The following LRMDA variants were observed in gnomAD, a reference collection of about 807,000 sequenced individuals.
LRMDA encodes the protein leucine rich melanocyte differentiation associated, also known as leucine-rich melanocyte differentiation-associated protein.
In LRMDA, 18 loss-of-function variants were observed where a neutral mutation model predicts 29.8. That is an observed-to-expected ratio of 0.60 (90% CI 0.42 to 0.90). The LOEUF is 0.90. Ranked by LOEUF, LRMDA falls within the 40% of genes least tolerant of loss-of-function variation. LRMDA has a pLI of 0.00. For missense variants in LRMDA, 273 were observed against 273.9 expected, an observed-to-expected ratio of 1.00 and a Z score of 0.02; for synonymous variants, 125 against 109.4, an observed-to-expected ratio of 1.14 and a Z score of -0.89.
At chr10:75,501,904 C>T (rs1400677759) in intron 2 of LRMDA, among the ~76,000 whole-genome samples, 1 of 152,138 alleles carries the variant, frequency 6.6e-6, no homozygotes, top group Non-Finnish European at 1.5e-5. Flanking sequence ...AGTGATCCTC[C>T]CACCTCAGTC....
At chr10:75,838,828 A>T (rs1458650084) in intron 2 of LRMDA, among the ~76,000 whole-genome samples, 1 of 152,224 alleles carries the variant, frequency 6.6e-6, no homozygotes, top group South Asian at 2.1e-4. Context: ...AAGAGTGAAG[A>T]TGTGTATTTA....
intron 2 of LRMDA, among the ~76,000 whole-genome samples, chr10:75,653,513 G>C (rs1841626228): frequency 6.6e-6 from 1 of 152,156 alleles, no homozygotes; most frequent in Non-Finnish European, 1.5e-5. Context: ...TGGGGAGTGA[G>C]AGAGAGTTGC....
intron 6 of LRMDA, among the ~76,000 whole-genome samples, chr10:76,503,859 C>T: frequency 6.8e-6 from 1 of 146,996 alleles, no homozygotes; most frequent in Admixed American, 6.8e-5. Context: ...TTATTTATTT[C>T]TCTGTTATCT....
At chr10:76,346,194 G>T (rs1406222311) in intron 6 of LRMDA, among the ~76,000 whole-genome samples, 3 of 152,130 alleles carry the variant, frequency 2.0e-5, no homozygotes, top group Non-Finnish European at 2.9e-5. Flanking sequence ...TCTACGAGAG[G>T]ACTTTGTTTG....
intron 6 of LRMDA, among the ~76,000 whole-genome samples, chr10:76,363,276 A>AAGGAAGGAAGGAAGGAAGGAAAGG (rs1218743181): frequency 5.1e-5 from 3 of 58,802 alleles, no homozygotes; most frequent in African/African-American, 2.6e-4. Context: ...GGAAGGAAGG[A>AAGGAAGGAAGGAAGGAAGGAAAGG]AAGGAAGGAA....
chr10:75,687,800 G>A (rs999827502), intron 2 of LRMDA, among the ~76,000 whole-genome samples: 49 of 152,166 alleles, frequency 3.2e-4, no homozygotes, highest in African/African-American at 1.2e-3. Context: ...TTTTTAGGGG[G>A]TACTGCAGCT....
intron 2 of LRMDA, among the ~76,000 whole-genome samples, chr10:75,697,848 T>TGCGC (rs1842255642): frequency 7.1e-6 from 1 of 141,390 alleles, no homozygotes. Context: ...TGTGTGTGTG[T>TGCGC]GTGCGTGTGT....
At chr10:75,750,156 C>A (rs548341568) in intron 2 of LRMDA, among the ~76,000 whole-genome samples, 1 of 152,322 alleles carries the variant, frequency 6.6e-6, no homozygotes, top group East Asian at 1.9e-4. Flanking sequence ...ACCTCCCAGA[C>A]GGGGTGGCGG....
chr10:76,533,911 G>A (rs1843263845), intron 6 of LRMDA, among the ~76,000 whole-genome samples: 1 of 152,164 alleles, frequency 6.6e-6, no homozygotes, highest in African/African-American at 2.4e-5. Context: ...GCTGGGCACA[G>A]TGCCAGGCTC....
chr10:75,665,496 GCA>G (rs1841810855), intron 2 of LRMDA, among the ~76,000 whole-genome samples: 1 of 152,166 alleles, frequency 6.6e-6, no homozygotes, highest in Admixed American at 6.5e-5. Context: ...AAGAACATGT[GCA>G]CATGTACCCT....
chr10:76,384,525 G>A (rs1841636722), intron 6 of LRMDA, among the ~76,000 whole-genome samples: 1 of 152,096 alleles, frequency 6.6e-6, no homozygotes, highest in Non-Finnish European at 1.5e-5. Flanking sequence ...TCTCCAGTAA[G>A]GCTCTTTCTT....
intron 2 of LRMDA, among the ~76,000 whole-genome samples, chr10:75,799,356 A>G (rs1277288564): frequency 2.6e-5 from 4 of 152,152 alleles, no homozygotes; most frequent in Non-Finnish European, 5.9e-5. Context: ...GTCCAATATC[A>G]GTGTAGCCAT....
At chr10:76,283,536 C>A (rs1020630222) in intron 5 of LRMDA, among the ~76,000 whole-genome samples, 4 of 152,114 alleles carry the variant, frequency 2.6e-5, no homozygotes, top group African/African-American at 9.7e-5. Flanking sequence ...GAGTTCAAGT[C>A]CAGGCTGGGT....
At chr10:75,717,048 G>A (rs1842509627) in intron 2 of LRMDA, among the ~76,000 whole-genome samples, 1 of 152,052 alleles carries the variant, frequency 6.6e-6, no homozygotes, top group Admixed American at 6.5e-5. Flanking sequence ...CCTCAAATGA[G>A]CTTTCCTGCA....
At chr10:76,555,503 A>G (rs1196682825) in intron 6 of LRMDA, among the ~76,000 whole-genome samples, 1 of 152,174 alleles carries the variant, frequency 6.6e-6, no homozygotes, top group African/African-American at 2.4e-5. Flanking sequence ...GCCGTGGAAC[A>G]ATGTCACCCT....
chr10:75,972,378 A>G (rs1186501085), intron 2 of LRMDA, among the ~76,000 whole-genome samples: 1 of 152,130 alleles, frequency 6.6e-6, no homozygotes, highest in African/African-American at 2.4e-5. Flanking sequence ...TGTCCCAAGG[A>G]AAAAACTTGT....
chr10:76,285,173 G>A (rs566057248), intron 5 of LRMDA, among the ~76,000 whole-genome samples: 1 of 152,258 alleles, frequency 6.6e-6, no homozygotes, highest in South Asian at 2.1e-4. Flanking sequence ...TGTTAAATGA[G>A]TCAAGGAGAT....
intron 2 of LRMDA, among the ~76,000 whole-genome samples, chr10:75,819,653 T>C (rs576186786): frequency 3.3e-5 from 5 of 152,250 alleles, no homozygotes; most frequent in African/African-American, 1.2e-4. Flanking sequence ...GGGTTGGCAG[T>C]TGTGGTTCTG....
At chr10:76,095,972 A>AT (rs1313723328) in intron 5 of LRMDA, among the ~76,000 whole-genome samples, 1 of 150,150 alleles carries the variant, frequency 6.7e-6, no homozygotes, top group African/African-American at 2.4e-5. Context: ...GGGTTGTTTG[A>AT]TTTTTTATAT....
Sources: gnomAD v4.1 joint callset for allele counts (sites outside exome capture counted in the v4.1 genomes callset) on GRCh38, gnomAD v4.1.1 for gene constraint, MANE v1.5 for transcripts, NCBI Gene and HGNC (gene_info 2026-07-23, HGNC 2026-07-21) for gene names.